The following CFAP299 variants were observed in gnomAD, a reference collection of about 807,000 sequenced individuals.
CFAP299 encodes cilia- and flagella-associated protein 299.
CFAP299 carries 21 observed loss-of-function variants against 27.0 expected under a neutral mutation model. The ratio of observed to expected loss-of-function variants is 0.78; its 90% CI spans 0.55 to 1.12. The LOEUF is 1.12. CFAP299 is among the 50% of genes most tolerant of loss of function. The pLI, the probability that CFAP299 is intolerant of heterozygous loss-of-function variation, is 0.00. For missense variants in CFAP299, 310 were observed against 276.6 expected (o/e 1.12, Z -0.86); for synonymous variants, 104 against 98.1 (o/e 1.06, Z -0.36).
intron 1 of CFAP299, among the ~76,000 whole-genome samples, chr4:80,354,654 T>C (rs1006514840): frequency 1.1e-4 from 17 of 152,180 alleles, no homozygotes; most frequent in African/African-American, 3.9e-4. Flanking sequence ...TAGTTTTTCC[T>C]GATCTTCTTC....
chr4:80,747,356 T>G (rs1176128606), intron 3 of CFAP299, among the ~76,000 whole-genome samples: 1 of 152,084 alleles, frequency 6.6e-6, no homozygotes, highest in Non-Finnish European at 1.5e-5. Flanking sequence ...AGTGCACTAT[T>G]ATGGACACAC....
At chr4:80,387,594 C>A in intron 2 of CFAP299, 2 of 1,190,588 alleles carry the variant, frequency 1.7e-6, no homozygotes, top group South Asian at 1.2e-5. Context: ...CCTGTACAGT[C>A]ACAGAGTTTC....
chr4:80,733,200 C>T (rs1031256532), intron 3 of CFAP299, among the ~76,000 whole-genome samples: 1 of 152,046 alleles, frequency 6.6e-6, no homozygotes, highest in African/African-American at 2.4e-5. Context: ...TTTTAATGAA[C>T]TACTAAGTTA....
intron 1 of CFAP299, among the ~76,000 whole-genome samples, chr4:80,361,604 C>T (rs1723551495): frequency 1.3e-5 from 2 of 152,146 alleles, no homozygotes; most frequent in South Asian, 4.1e-4. Flanking sequence ...AGAATAATAG[C>T]CTTGGGCCTT....
intron 3 of CFAP299, among the ~76,000 whole-genome samples, chr4:80,853,019 T>A (rs1731613670): frequency 6.6e-6 from 1 of 151,324 alleles, no homozygotes; most frequent in Admixed American, 6.6e-5. Flanking sequence ...TTTATTTTCT[T>A]TTTATTTATT....
intron 2 of CFAP299, among the ~76,000 whole-genome samples, chr4:80,481,180 A>G (rs1394733062): frequency 2.0e-5 from 3 of 152,004 alleles, no homozygotes. Flanking sequence ...GTAAAGGCCA[A>G]TAGTTCAGAC....
At chr4:80,608,278 T>C in intron 3 of CFAP299, 1 of 1,172,404 alleles carries the variant, frequency 8.5e-7, no homozygotes, top group South Asian at 1.4e-5. Flanking sequence ...AGATAGGAGA[T>C]TTGTTAACAT....
chr4:80,484,066 T>G (rs187174557), intron 2 of CFAP299, among the ~76,000 whole-genome samples: 1 of 152,264 alleles, frequency 6.6e-6, no homozygotes, highest in East Asian at 1.9e-4. Flanking sequence ...TGATAGGTGA[T>G]TTGCTTTTAG....
chr4:80,520,352 T>C lies in CFAP299; in HGVS notation c.243-62741T>C, dbSNP rs546716639. On this transcript the variant is annotated intron_variant, in intron 2 of 5. Coordinates refer to ENST00000358105, the MANE Select transcript of CFAP299 (RefSeq NM_152770.3). Reference sequence around the variant, plus strand: ...CCATTAGCAATATCTTAGAGTTAACTGGGTCTTGTTCTCTATCAGCATGCT... The same window carrying C: ...CCATTAGCAATATCTTAGAGTTAACCGGGTCTTGTTCTCTATCAGCATGCT... Among the ~76,000 whole-genome samples the C allele has an allele frequency of 6.0e-4, 92 of 152,342 alleles. 1 individual carries two copies. Among genetic ancestry groups the C allele is most frequent in the African/African-American group, 2.0e-3 (85 of 41,580 alleles).
chr4:80,685,981 A>G (rs1345502534), intron 3 of CFAP299, among the ~76,000 whole-genome samples: 1 of 152,146 alleles, frequency 6.6e-6, no homozygotes, highest in African/African-American at 2.4e-5. Flanking sequence ...TTCTTAATAT[A>G]TTTCATCTTC....
intron 3 of CFAP299, among the ~76,000 whole-genome samples, chr4:80,799,650 T>G (rs1269347013): frequency 5.2e-5 from 1 of 19,386 alleles, no homozygotes; most frequent in African/African-American, 2.4e-4. Context: ...AAATATATAT[T>G]TTATATATTA....
chr4:80,363,386 T>G (rs1043432686), intron 2 of CFAP299, among the ~76,000 whole-genome samples: 4 of 152,214 alleles, frequency 2.6e-5, no homozygotes, highest in Admixed American at 2.6e-4. Flanking sequence ...TTAAAACATA[T>G]GATGAAAGAG....
At chr4:80,421,850 G>A (rs1727299357) in intron 2 of CFAP299, among the ~76,000 whole-genome samples, 1 of 151,942 alleles carries the variant, frequency 6.6e-6, no homozygotes, top group Admixed American at 6.6e-5. Context: ...ACTTTCTTCT[G>A]GCATTTCAAA....
At chr4:80,840,894 T>G (rs765928360) in intron 3 of CFAP299, among the ~76,000 whole-genome samples, 12 of 152,086 alleles carry the variant, frequency 7.9e-5, no homozygotes, top group Non-Finnish European at 1.5e-4. Context: ...ATGAGGAAAT[T>G]TAGTCACAAA....
chr4:80,935,103 T>C (rs1310651248), intron 4 of CFAP299, among the ~76,000 whole-genome samples: 1 of 152,096 alleles, frequency 6.6e-6, no homozygotes, highest in African/African-American at 2.4e-5. Context: ...TTTTTTTATT[T>C]AGCTTTTGGT....
intron 3 of CFAP299, among the ~76,000 whole-genome samples, chr4:80,609,494 A>G (rs1170779165): frequency 6.6e-6 from 1 of 152,020 alleles, no homozygotes; most frequent in Non-Finnish European, 1.5e-5. Context: ...GGTTATTTAG[A>G]TATGTCTCTT....
chr4:80,529,849 G>C (rs781516326), intron 2 of CFAP299, among the ~76,000 whole-genome samples: 1 of 151,770 alleles, frequency 6.6e-6, no homozygotes, highest in African/African-American at 2.4e-5. Context: ...CATCAAATCT[G>C]CAAGCTTAAG....
intron 3 of CFAP299, among the ~76,000 whole-genome samples, chr4:80,666,081 G>A (rs1302919200): frequency 6.6e-6 from 1 of 152,112 alleles, no homozygotes; most frequent in Non-Finnish European, 1.5e-5. Context: ...GGTTAGAATT[G>A]TCTGCTGTGG....
chr4:80,885,585 C>A (rs1253436096), intron 4 of CFAP299, among the ~76,000 whole-genome samples: 1 of 152,088 alleles, frequency 6.6e-6, no homozygotes. Context: ...CCAGGTTCTA[C>A]CTCCTAGATG....
Sources: gnomAD v4.1 joint callset for allele counts (sites outside exome capture counted in the v4.1 genomes callset) on GRCh38, gnomAD v4.1.1 for gene constraint, MANE v1.5 for transcripts, NCBI Gene and HGNC (gene_info 2026-07-23, HGNC 2026-07-21) for gene names.